The following SCUBE1 variants were observed in gnomAD, a reference collection of about 807,000 sequenced individuals.
SCUBE1 encodes signal peptide, CUB domain and EGF like domain containing 1.
Under a neutral mutation model 124.4 loss-of-function variants are expected in SCUBE1, and 59 were observed. The observed-to-expected ratio is 0.47, with a 90% CI of 0.38 to 0.59. The LOEUF (loss-of-function observed/expected upper bound fraction) is 0.59, where lower values mean the gene tolerates loss of function less well. Ranked by LOEUF, SCUBE1 falls within the 20% of genes least tolerant of loss-of-function variation. SCUBE1 has a pLI of 0.00. For synonymous variants in SCUBE1, 545 were observed against 550.9 expected (o/e 0.99, Z 0.15); for missense variants, 1,150 against 1,371.2 (o/e 0.84, Z 2.55).
At chr22:43,251,345 C>T (rs1175145594) in intron 6 of SCUBE1, among the ~76,000 whole-genome samples, 1 of 152,192 alleles carries the variant, frequency 6.6e-6, no homozygotes, top group East Asian at 1.9e-4. Flanking sequence ...GTTCCTTCAG[C>T]CCAAGCAGAA....
At chr22:43,207,447 G>A in intron 21 of SCUBE1, 87 bp downstream of exon 21, 1 of 1,041,768 alleles carries the variant, frequency 9.6e-7, no homozygotes, top group East Asian at 2.4e-5. Flanking sequence ...GCTCCTCCAG[G>A]GGCCAGGGCT....
chr22:43,279,907 C>G (rs1459085351), intron 4 of SCUBE1, among the ~76,000 whole-genome samples: 1 of 152,310 alleles, frequency 6.6e-6, no homozygotes, highest in East Asian at 1.9e-4. Flanking sequence ...ATCCTGATGT[C>G]CCCAGTCCCC....
rs1306222181 is a variant in SCUBE1 at position 43,201,207 on chromosome 22, G to A, written c.*2790C>T. The stretch of plus-strand genomic sequence containing the variant: ...TAGTCCCAGCTACTCGGGAGGCTGA[G>A]GCAGGAGAATGGCGTGAACCCGGGA... On this transcript the variant is annotated 3_prime_UTR_variant, in exon 22 of 22. Coordinates refer to ENST00000360835, the MANE Select transcript of SCUBE1 (RefSeq NM_173050.5). 6.7e-6 allele frequency: 1 copy of A among 149,084 alleles called. No homozygotes were observed. The highest frequency in any genetic ancestry group is 1.9e-4 in the East Asian group (1 of 5,134). 9.2% of individuals were successfully genotyped at this position (149,084 alleles called of 1,614,324 possible).
chr22:43,299,877 C>A (rs527869163), intron 3 of SCUBE1, among the ~76,000 whole-genome samples: 1 of 152,134 alleles, frequency 6.6e-6, no homozygotes, highest in Non-Finnish European at 1.5e-5. Flanking sequence ...GAGAGTCATG[C>A]GATATTTGTC....
At chr22:43,299,274 G>A (rs1925680516) in intron 3 of SCUBE1, among the ~76,000 whole-genome samples, 1 of 152,134 alleles carries the variant, frequency 6.6e-6, no homozygotes, top group Non-Finnish European at 1.5e-5. Context: ...GGTGCAGCAC[G>A]AAGCCGCTGC....
In SCUBE1 at chr22:43,227,510, G is replaced by A. The variant is rs369457355; in HGVS notation, c.1085-14C>T. On this transcript the variant is annotated splice_polypyrimidine_tract_variant and intron_variant, in intron 9 of 21. Transcript: ENST00000360835. ...ACTCGTCCACATCTGGAAGCACAGC[G>A]GGCGTAAGGGCAGAGGGGAGGCTGG... 23 of 1,609,348 alleles carry A rather than the reference G, an allele frequency of 1.4e-5. No homozygotes were observed. The highest frequency in any genetic ancestry group is 2.2e-5 in the East Asian group (1 of 44,862).
At chr22:43,310,465 C>A (rs920373222) in intron 3 of SCUBE1, among the ~76,000 whole-genome samples, 1 of 152,186 alleles carries the variant, frequency 6.6e-6, no homozygotes, top group Non-Finnish European at 1.5e-5. Flanking sequence ...AGAGGCTGCC[C>A]ATAGTGTCCT....
rs1305197040 is a variant in SCUBE1 at position 43,231,795 on chromosome 22, G to A, written c.925C>T (p.Arg309Trp). Reference sequence around the variant, plus strand: ...TCGGTGAGCAGCTTGTAGCCCTTCCGGCAGCCGCACTCGAAGCTGCCCACG... The same window carrying A: ...TCGGTGAGCAGCTTGTAGCCCTTCCAGCAGCCGCACTCGAAGCTGCCCACG... ...NTVGSFECGCRKGYKLLTDER... is the reference protein window; with the variant it reads ...NTVGSFECGCWKGYKLLTDER... The change falls in exon 8 of 22, where the codon CGG (arginine) becomes TGG (tryptophan). Residue 309 changes from arginine to tryptophan, a missense_variant. Coordinates refer to ENST00000360835, the MANE Select transcript of SCUBE1 (RefSeq NM_173050.5). The A allele has an allele frequency of 1.9e-6, 3 of 1,611,194 alleles. No homozygotes were observed. Among genetic ancestry groups the A allele is most frequent in the Non-Finnish European group, 1.7e-6 (2 of 1,179,084 alleles).
chr22:43,277,465 A>G (rs7291800), intron 4 of SCUBE1, among the ~76,000 whole-genome samples: 1 of 152,088 alleles, frequency 6.6e-6, no homozygotes, highest in African/African-American at 2.4e-5. Context: ...CAGCATGGCG[A>G]GACAGGGGCT....
chr22:43,291,246 TG>T (rs1194505920), intron 3 of SCUBE1, 66 bp from the exon 4 acceptor site: 2 of 1,549,326 alleles, frequency 1.3e-6, no homozygotes, highest in Non-Finnish European at 1.8e-6. Context: ...CATGAGGGGC[TG>T]GCGGGACAGG....
intron 5 of SCUBE1, among the ~76,000 whole-genome samples, chr22:43,260,863 T>G (rs1187751064): frequency 6.6e-6 from 1 of 152,182 alleles, no homozygotes; most frequent in East Asian, 1.9e-4. Flanking sequence ...CCCTGCCTAG[T>G]CCCTGACCTC....
At position 43,211,153 on chromosome 22, in the gene SCUBE1, T is replaced by C; in HGVS notation, c.2222-70A>G. ...GGGAAAGGGCAGCACTGGGGTGCTGTCCCCAGGACCTCTCATGCCCTCGAG... is the reference window on the plus strand; with the variant it reads ...GGGAAAGGGCAGCACTGGGGTGCTGCCCCCAGGACCTCTCATGCCCTCGAG... On this transcript the variant is annotated intron_variant, in intron 17 of 21. Transcript: ENST00000360835. This position sits in a 1 kb window ranked among gnomAD's most constrained non-coding sequence, Gnocchi z 4.5. The C allele has an allele frequency of 2.7e-6, 4 of 1,460,772 alleles. No individual in the cohort carries two copies. The highest frequency in any genetic ancestry group is 3.7e-6 in the Non-Finnish European group (4 of 1,067,456). 90.5% of individuals were successfully genotyped at this position (1,460,772 alleles called of 1,614,324 possible).
At chr22:43,250,205 GC>G (rs1223911997) in intron 6 of SCUBE1, among the ~76,000 whole-genome samples, 4 of 152,234 alleles carry the variant, frequency 2.6e-5, no homozygotes, top group Non-Finnish European at 5.9e-5. Context: ...CATGACCGAA[GC>G]TTTTCCCTCT....
chr22:43,320,961 G>A (rs141301593), intron 2 of SCUBE1, among the ~76,000 whole-genome samples: 2 of 152,292 alleles, frequency 1.3e-5, no homozygotes, highest in Non-Finnish European at 2.9e-5. Context: ...TGGTGGTGCC[G>A]GCTCTTCTGC....
chr22:43,313,758 C>T (rs1926248920), intron 3 of SCUBE1, among the ~76,000 whole-genome samples: 1 of 152,224 alleles, frequency 6.6e-6, no homozygotes, highest in Non-Finnish European at 1.5e-5. Flanking sequence ...CTCCAGGACA[C>T]AGTCACAGGC....
intron 6 of SCUBE1, among the ~76,000 whole-genome samples, chr22:43,240,477 C>T (rs894672250): frequency 1.3e-5 from 2 of 152,210 alleles, no homozygotes; most frequent in Non-Finnish European, 2.9e-5. Flanking sequence ...CTTCCTCAGG[C>T]TCATGCAGGT....
intron 4 of SCUBE1, among the ~76,000 whole-genome samples, chr22:43,273,312 TGACCAGTCCTG>T (rs1569005291): frequency 4.6e-5 from 7 of 152,138 alleles, no homozygotes; most frequent in African/African-American, 1.7e-4. Context: ...CCCAGGGCCT[TGACCAGTCCTG>T]GCACCGGGAA....
intron 4 of SCUBE1, among the ~76,000 whole-genome samples, chr22:43,265,895 G>A (rs979351503): frequency 6.6e-6 from 1 of 152,328 alleles, no homozygotes; most frequent in African/African-American, 2.4e-5. Context: ...GAGGTCAGGA[G>A]CTCGAGACTA....
At chr22:43,280,196 G>T (rs1026881203) in intron 4 of SCUBE1, among the ~76,000 whole-genome samples, 5 of 152,050 alleles carry the variant, frequency 3.3e-5, no homozygotes, top group Non-Finnish European at 1.5e-5. Context: ...CCTGCCTTGA[G>T]CCCCAGGTCT....
Sources: gnomAD v4.1 joint callset for allele counts (sites outside exome capture counted in the v4.1 genomes callset) on GRCh38, gnomAD v4.1.1 for gene constraint, Gnocchi (gnomAD v3.1) non-coding constraint, MANE v1.5 for transcripts, NCBI Gene and HGNC (gene_info 2026-07-23, HGNC 2026-07-21) for gene names.